PDE4D: variants seen among roughly 807,000 people sequenced by gnomAD.
The protein encoded by PDE4D is phosphodiesterase 4D.
Under a neutral mutation model 87.4 loss-of-function variants are expected in PDE4D, and 24 were observed. The observed-to-expected ratio is 0.27, with a 90% CI of 0.20 to 0.39. PDE4D has a LOEUF of 0.39. PDE4D is among the 10% of genes least tolerant of loss of function. The pLI, the probability that PDE4D is intolerant of heterozygous loss-of-function variation, is 1.00. For synonymous variants in PDE4D, 384 were observed against 383.2 expected (o/e 1.00, Z -0.02); for missense variants, 714 against 1,041.0 (o/e 0.69, Z 4.32).
At chr5:59,345,463 A>T (rs1260436489) in intron 1 of PDE4D, among the ~76,000 whole-genome samples, 1 of 152,322 alleles carries the variant, frequency 6.6e-6, no homozygotes, top group South Asian at 2.1e-4. Flanking sequence ...CTGCATATGG[A>T]TCAAACAGGG....
chr5:59,546,680 T>C (rs1817321767), intron 1 of PDE4D, among the ~76,000 whole-genome samples: 1 of 152,118 alleles, frequency 6.6e-6, no homozygotes, highest in Non-Finnish European at 1.5e-5. Flanking sequence ...TTAGAAATGA[T>C]TACAACTTCA....
chr5:59,787,793 T>C (rs190494909), intron 1 of PDE4D, among the ~76,000 whole-genome samples: 19 of 152,332 alleles, frequency 1.2e-4, no homozygotes, highest in African/African-American at 4.6e-4. Flanking sequence ...ATGTCTTTTA[T>C]ATAGGCATCT....
At chr5:59,666,808 A>G (rs1746146536) in intron 1 of PDE4D, among the ~76,000 whole-genome samples, 1 of 152,260 alleles carries the variant, frequency 6.6e-6, no homozygotes. Context: ...GTGATGGCTT[A>G]TAATTAGCAT....
intron 1 of PDE4D, chr5:59,217,381 C>A (rs767813444): frequency 9.5e-6 from 4 of 422,094 alleles, no homozygotes; most frequent in Non-Finnish European, 1.9e-5. Context: ...TTTTCTTTAT[C>A]GGAGTCATTA....
At chr5:59,021,128 C>G (rs1478737734) in intron 6 of PDE4D, among the ~76,000 whole-genome samples, 1 of 152,080 alleles carries the variant, frequency 6.6e-6, no homozygotes, top group Non-Finnish European at 1.5e-5. Context: ...GAGAGAAAAG[C>G]AAAGCACAAG....
chr5:59,220,268 A>C (rs1291146377), intron 1 of PDE4D, among the ~76,000 whole-genome samples: 1 of 151,100 alleles, frequency 6.6e-6, no homozygotes, highest in Non-Finnish European at 1.5e-5. Context: ...TGTAATCCCG[A>C]CACTTTAGAG....
At chr5:60,460,788 G>T in intron 1 of PDE4D, 1 of 578,136 alleles carries the variant, frequency 1.7e-6, no homozygotes, top group Non-Finnish European at 3.1e-6. Flanking sequence ...TTGCTCATCC[G>T]GAAGCAGGCA....
chr5:59,228,325 G>C (rs866182941), intron 1 of PDE4D, among the ~76,000 whole-genome samples: 5 of 152,054 alleles, frequency 3.3e-5, no homozygotes, highest in Middle Eastern at 3.4e-3. Context: ...CTTAGCACCT[G>C]GGTGACAAAA....
rs993742569 is a variant in PDE4D, at chr5:59,628,073, A to T, written c.455+265095T>A. Among the ~76,000 whole-genome samples, 7 of 152,148 alleles carry T rather than the reference A, an allele frequency of 4.6e-5. No individual in the cohort carries two copies. In the East Asian group the frequency reaches 1.3e-3, roughly 29 times the overall value. On this transcript the variant is annotated intron_variant, in intron 1 of 14. Coordinates refer to ENST00000340635, the MANE Select transcript of PDE4D (RefSeq NM_001104631.2). Reference sequence around the variant, plus strand: ...TAGCAAAGACAACAACAATTAAAATAAAAAATTGCTGCCACAGAATTCACT... The same window carrying T: ...TAGCAAAGACAACAACAATTAAAATTAAAAATTGCTGCCACAGAATTCACT...
intron 2 of PDE4D, among the ~76,000 whole-genome samples, chr5:60,099,784 T>A (rs903053063): frequency 4.6e-5 from 7 of 152,000 alleles, no homozygotes; most frequent in Non-Finnish European, 1.0e-4. Flanking sequence ...GCTGTAGGAT[T>A]ATAAAATGGT....
chr5:59,930,723 A>G (rs1218298720), intron 3 of PDE4D, among the ~76,000 whole-genome samples: 1 of 152,222 alleles, frequency 6.6e-6, no homozygotes, highest in Non-Finnish European at 1.5e-5. Flanking sequence ...TAGGGGCCCC[A>G]TTGCTCAAGG....
At chr5:60,468,176 T>C (rs940562893) in intron 1 of PDE4D, among the ~76,000 whole-genome samples, 9 of 147,888 alleles carry the variant, frequency 6.1e-5, no homozygotes, top group Admixed American at 2.8e-4. Flanking sequence ...TCCTGCTCTG[T>C]CATCCAGGCT....
At chr5:59,819,903 C>G (rs915710236) in intron 1 of PDE4D, among the ~76,000 whole-genome samples, 1 of 152,178 alleles carries the variant, frequency 6.6e-6, no homozygotes, top group African/African-American at 2.4e-5. Flanking sequence ...CTAGAGACAA[C>G]AGAGGCGTTT....
chr5:60,347,646 C>A (rs1197203383), intron 1 of PDE4D, among the ~76,000 whole-genome samples: 1 of 152,062 alleles, frequency 6.6e-6, no homozygotes, highest in African/African-American at 2.4e-5. Context: ...AAGTAAAGGA[C>A]ATGCCCAGAC....
chr5:59,029,255 T>C (rs1457326030), intron 6 of PDE4D, among the ~76,000 whole-genome samples: 1 of 42,800 alleles, frequency 2.3e-5, no homozygotes, highest in African/African-American at 8.3e-5. Flanking sequence ...TACTTAAAAA[T>C]ACAAAAAAAA....
At position 60,048,302 on chromosome 5, in the gene PDE4D, G is replaced by C. The variant is rs529938287; in HGVS notation, c.43-59585C>G. On this transcript the variant is annotated intron_variant, in intron 2 of 16. Transcript: ENST00000502484. Reference sequence around the variant, plus strand: ...TTTCCTGATTACAGCACACTGATGGGTCTTGACTCTGTATCCAATTTGCCA... The same window carrying C: ...TTTCCTGATTACAGCACACTGATGGCTCTTGACTCTGTATCCAATTTGCCA... Among the ~76,000 whole-genome samples, 9 of 152,248 alleles carry C rather than the reference G, an allele frequency of 5.9e-5. No homozygotes were observed. In the South Asian group the frequency reaches 1.9e-3, roughly 32 times the overall value.
intron 1 of PDE4D, among the ~76,000 whole-genome samples, chr5:60,347,995 T>G (rs1290432192): frequency 6.6e-6 from 1 of 152,138 alleles, no homozygotes; most frequent in Non-Finnish European, 1.5e-5. Flanking sequence ...CCTTTGAAAT[T>G]AAATGGGCAT....
chr5:60,480,742 C>T (rs1748667901), intron 1 of PDE4D, among the ~76,000 whole-genome samples: 1 of 152,138 alleles, frequency 6.6e-6, no homozygotes, highest in Admixed American at 6.6e-5. Context: ...AAATATAATA[C>T]ATATACTTAA....
intron 6 of PDE4D, among the ~76,000 whole-genome samples, chr5:59,014,145 C>A (rs1753458563): frequency 6.6e-6 from 1 of 152,086 alleles, no homozygotes; most frequent in Admixed American, 6.6e-5. Context: ...TGGGATGTAT[C>A]TCAAAATAGT....
Sources: gnomAD v4.1 joint callset for allele counts (sites outside exome capture counted in the v4.1 genomes callset) on GRCh38, gnomAD v4.1.1 for gene constraint, MANE v1.5 for transcripts, NCBI Gene and HGNC (gene_info 2026-07-23, HGNC 2026-07-21) for gene names.